Variants in PCDHGA1 observed in about 807,000 individuals in gnomAD.
PCDHGA1 encodes the protein protocadherin gamma subfamily A, 1, also known as protocadherin gamma-A1.
PCDHGA1 carries 32 observed loss-of-function variants against 58.0 expected under a neutral mutation model. That is an observed-to-expected ratio of 0.55 (90% CI 0.42 to 0.74). The LOEUF is 0.74. PCDHGA1 is among the 30% of genes least tolerant of loss of function. The probability of loss-of-function intolerance (pLI) is 0.00; values close to 1 mark genes in which losing one functional copy is unlikely to be tolerated. For missense variants in PCDHGA1, 1,205 were observed against 1,182.3 expected (o/e 1.02, Z -0.28); for synonymous variants, 498 against 501.1 (o/e 0.99, Z 0.08).
At position 141,494,820 on chromosome 5, in the gene PCDHGA1, A is replaced by G; in HGVS notation, c.2435A>G (p.Asn812Ser). ...TTTTCTCCACAGCAAGCCCCGCCCA[A>G]CACGGACTGGCGTTTCTCTCAGGCC... ...KEPFSQQAPP[N>S]TDWRFSQAQR... Residue 812 changes from asparagine to serine, a missense_variant, in exon 2 of 4, where the codon AAC becomes AGC. By Grantham distance (46) the Asn-to-Ser change is conservative. Transcript: ENST00000517417. 1.2e-6 allele frequency: 2 copies of G among 1,613,988 alleles called. No individual in the cohort carries two copies. Among genetic ancestry groups the G allele is most frequent in the Middle Eastern group, 1.6e-4 (1 of 6,062 alleles).
intron 1 of PCDHGA1, chr5:141,374,320 G>T (rs1425393222): frequency 1.2e-6 from 2 of 1,613,960 alleles, no homozygotes; most frequent in Admixed American, 3.3e-5. Context: ...CTCTGAATCC[G>T]CGAAACGGCA....
intron 1 of PCDHGA1, chr5:141,374,740 C>A (rs1337639511): frequency 6.2e-7 from 1 of 1,611,592 alleles, no homozygotes; most frequent in Admixed American, 1.7e-5. Context: ...ATGGCGGCGA[C>A]CCTGTCCGCT....
intron 1 of PCDHGA1, chr5:141,375,025 T>C (rs1771054334): frequency 3.7e-6 from 6 of 1,614,042 alleles, no homozygotes; most frequent in Non-Finnish European, 5.1e-6. Flanking sequence ...ACTCGAGTTT[T>C]TATGAGCTGG....
At chr5:141,447,238 C>T (rs1028683423) in intron 1 of PCDHGA1, among the ~76,000 whole-genome samples, 1 of 152,148 alleles carries the variant, frequency 6.6e-6, no homozygotes, top group Non-Finnish European at 1.5e-5. Context: ...CTCCCGGGTT[C>T]AAGTGATTCT....
chr5:141,388,663 C>T (rs770660956), intron 1 of PCDHGA1: 1 of 1,613,810 alleles, frequency 6.2e-7, no homozygotes, highest in Non-Finnish European at 8.5e-7. Flanking sequence ...CCGGGGACCA[C>T]GGTGCTACAG....
At chr5:141,410,060 G>C in intron 1 of PCDHGA1, 1 of 1,613,108 alleles carries the variant, frequency 6.2e-7, no homozygotes, top group Non-Finnish European at 8.5e-7. Flanking sequence ...CTTCAGCCTG[G>C]GGCTGCGCAC....
intron 1 of PCDHGA1, chr5:141,346,615 C>A: frequency 9.2e-7 from 1 of 1,090,428 alleles, no homozygotes; most frequent in Non-Finnish European, 1.3e-6. Context: ...TATAGTAGGA[C>A]TGCACTCCCC....
At position 141,476,683 on chromosome 5, in the gene PCDHGA1, C is replaced by T; in HGVS notation, c.2422-18124C>T. The T allele has an allele frequency of 1.9e-6, 3 of 1,614,242 alleles. No homozygotes were observed. Among genetic ancestry groups the T allele is most frequent in the Non-Finnish European group, 2.5e-6 (3 of 1,180,052 alleles). ...CGCTTCGCGTGCAGACGCGGGAGGA[C>T]AGCACCAAGTACGCGGAGCTGGTGT... On this transcript the variant is annotated intron_variant, in intron 1 of 3. Coordinates refer to ENST00000517417, the MANE Select transcript of PCDHGA1 (RefSeq NM_018912.3). The surrounding 1 kb of genome is among the most constrained non-coding windows in gnomAD (Gnocchi z 7.6).
At chr5:141,384,478 G>T (rs1350381914) in intron 1 of PCDHGA1, 1 of 1,613,986 alleles carries the variant, frequency 6.2e-7, no homozygotes, top group African/African-American at 1.3e-5. Flanking sequence ...GCAGTTGAGA[G>T]AACTACAACT....
chr5:141,495,642 C>T (rs1294293252), intron 2 of PCDHGA1, among the ~76,000 whole-genome samples: 1 of 152,208 alleles, frequency 6.6e-6, no homozygotes. Flanking sequence ...TTTCATTTGT[C>T]TACTTGCATT....
Position 141,393,196 on chromosome 5 carries a change from A to G in PCDHGA1, c.2421+60091A>G, listed in dbSNP as rs369051018. 9.7e-5 allele frequency: 157 copies of G among 1,613,374 alleles called. No individual in the cohort carries two copies. The highest frequency in any genetic ancestry group is 1.3e-4 in the Non-Finnish European group (149 of 1,179,898). On this transcript the variant is annotated intron_variant, in intron 1 of 3. Coordinates refer to ENST00000517417, the MANE Select transcript of PCDHGA1 (RefSeq NM_018912.3). ...GAAATAGAAATAATTGATATTAACG[A>G]TAATAACCCAAAATTCCAGGTCGAA...
intron 1 of PCDHGA1, chr5:141,418,232 G>A (rs1034684988): frequency 6.2e-7 from 1 of 1,614,066 alleles, no homozygotes; most frequent in Non-Finnish European, 8.5e-7. Flanking sequence ...GGTGATTGAG[G>A]ATGTTAATGA....
rs747064148 is a variant in PCDHGA1, at chr5:141,395,059, T to C, written c.2421+61954T>C. 1 of 1,614,180 alleles carries C rather than the reference T, an allele frequency of 6.2e-7. No individual in the cohort carries two copies. The stretch of plus-strand genomic sequence containing the variant: ...GTGGGTGTTGAGGAGGTACAGGCTT[T>C]CCTGCAGACCTATTCCCAGGAAGTC... On this transcript the variant is annotated intron_variant, in intron 1 of 3. Transcript: ENST00000517417.
At chr5:141,501,366 T>G (rs1297210978) in intron 2 of PCDHGA1, among the ~76,000 whole-genome samples, 1 of 150,672 alleles carries the variant, frequency 6.6e-6, no homozygotes, top group Non-Finnish European at 1.5e-5. Flanking sequence ...ACCATATTCA[T>G]CATCTCTTAA....
intron 1 of PCDHGA1, chr5:141,339,037 C>G: frequency 1.9e-6 from 3 of 1,603,578 alleles, no homozygotes; most frequent in Non-Finnish European, 1.7e-6. Context: ...TTTTGGCGAC[C>G]CTGTGGGAGG....
At chr5:141,418,326 C>T (rs1398536611) in intron 1 of PCDHGA1, 2 of 1,613,986 alleles carry the variant, frequency 1.2e-6, no homozygotes, top group Non-Finnish European at 1.7e-6. Context: ...ATTCTTGAGT[C>T]TGCAGAAGAT....
Position 141,345,329 on chromosome 5 carries a change from G to C in PCDHGA1, c.2421+12224G>C, listed in dbSNP as rs7730183. On this transcript the variant is annotated intron_variant, in intron 1 of 3. Coordinates refer to ENST00000517417, the MANE Select transcript of PCDHGA1 (RefSeq NM_018912.3). ...CCTCAGATGGGGGAAGCCCGCCACTGTCCACAGAAACTCACATCACCCTGC... is the reference window on the plus strand; with the variant it reads ...CCTCAGATGGGGGAAGCCCGCCACTCTCCACAGAAACTCACATCACCCTGC... 2,674 of 1,613,988 alleles carry C rather than the reference G, an allele frequency of 1.7e-3. 41 individuals carry two copies. In the African/African-American group the frequency reaches 0.032, roughly 19 times the overall value.
chr5:141,346,807 T>C (rs1164113856), intron 1 of PCDHGA1, among the ~76,000 whole-genome samples: 2 of 152,250 alleles, frequency 1.3e-5, no homozygotes, highest in African/African-American at 2.4e-5. Flanking sequence ...AACACAACAC[T>C]GGTTTGTATA....
At chr5:141,349,857 G>T (rs958496319) in intron 1 of PCDHGA1, among the ~76,000 whole-genome samples, 12 of 152,012 alleles carry the variant, frequency 7.9e-5, no homozygotes, top group African/African-American at 2.7e-4. Context: ...AATGAAAAAA[G>T]AATACGAAAT....
Sources: allele counts gnomAD v4.1 joint callset (sites outside exome capture counted in the v4.1 genomes callset), GRCh38; gene constraint gnomAD v4.1.1; non-coding constraint Gnocchi (gnomAD v3.1); transcripts MANE v1.5; gene names NCBI Gene and HGNC (gene_info 2026-07-23, HGNC 2026-07-21).